The following KAZN variants were observed in gnomAD, a reference collection of about 807,000 sequenced individuals.
KAZN encodes kazrin, periplakin interacting protein.
In KAZN, 40 loss-of-function variants were observed where a neutral mutation model predicts 87.4. That is an observed-to-expected ratio of 0.46 (90% CI 0.36 to 0.60). The LOEUF (loss-of-function observed/expected upper bound fraction) is 0.60. Among genes scored for constraint, KAZN ranks in the 20% least tolerant of loss-of-function variants. The pLI is 0.00. For synonymous variants in KAZN, 466 were observed against 458.3 expected (o/e 1.02, Z -0.22); for missense variants, 898 against 1,073.9 (o/e 0.84, Z 2.29).
At chr1:14,776,933 CAAAAAAAAA>C (rs56275592) in intron 1 of KAZN, among the ~76,000 whole-genome samples, 1 of 113,132 alleles carries the variant, frequency 8.8e-6, no homozygotes, top group African/African-American at 3.5e-5. Context: ...TACCCTGTCT[CAAAAAAAAA>C]AAAAAAAAAA....
At chr1:14,521,318 G>A (rs567589558) in intron 2 of KAZN, among the ~76,000 whole-genome samples, 17 of 152,228 alleles carry the variant, frequency 1.1e-4, no homozygotes, top group East Asian at 9.7e-4. Context: ...CAGAAATGTC[G>A]CCCTCACTGC....
At chr1:14,521,194 G>A (rs1242247114) in intron 2 of KAZN, among the ~76,000 whole-genome samples, 6 of 152,096 alleles carry the variant, frequency 3.9e-5, no homozygotes, top group African/African-American at 1.4e-4. Flanking sequence ...TGGGGGCAGG[G>A]GTCTGATGAT....
intron 1 of KAZN, among the ~76,000 whole-genome samples, chr1:14,894,109 G>A (rs544809701): frequency 2.6e-5 from 4 of 152,112 alleles, no homozygotes; most frequent in South Asian, 2.1e-4. Context: ...ATCACAGTAC[G>A]TGAATCTAAT....
chr1:14,544,597 T>G (rs1673025659), intron 2 of KAZN, among the ~76,000 whole-genome samples: 1 of 151,990 alleles, frequency 6.6e-6, no homozygotes, highest in Non-Finnish European at 1.5e-5. Context: ...TTTAAACAAC[T>G]TTTCTTTGTG....
chr1:14,917,763 G>T (rs1445327030), intron 1 of KAZN, among the ~76,000 whole-genome samples: 1 of 152,144 alleles, frequency 6.6e-6, no homozygotes, highest in Non-Finnish European at 1.5e-5. Flanking sequence ...CTTCCAAGAT[G>T]ACCCCAATGA....
chr1:14,730,149 T>C (rs1314291267), intron 1 of KAZN, among the ~76,000 whole-genome samples: 3 of 152,132 alleles, frequency 2.0e-5, no homozygotes, highest in African/African-American at 4.8e-5. Context: ...AGTGGCGCGA[T>C]CTCGGCTTAC....
intron 2 of KAZN, among the ~76,000 whole-genome samples, chr1:14,586,236 T>C (rs1675838318): frequency 6.6e-6 from 1 of 152,200 alleles, no homozygotes; most frequent in Non-Finnish European, 1.5e-5. Context: ...ATATTAAGCT[T>C]AGAAGCTTTT....
At chr1:14,255,778 C>A (rs1650463030) in intron 2 of KAZN, among the ~76,000 whole-genome samples, 1 of 152,142 alleles carries the variant, frequency 6.6e-6, no homozygotes, top group East Asian at 1.9e-4. Flanking sequence ...TCATTATGTC[C>A]ATTTTATAGA....
chr1:14,898,684 G>T (rs570923342), intron 1 of KAZN, among the ~76,000 whole-genome samples: 3 of 152,160 alleles, frequency 2.0e-5, no homozygotes, highest in African/African-American at 7.2e-5. Context: ...GGGCTGGAGG[G>T]ACAGTGTTAC....
At chr1:14,521,674 G>A (rs1284151877) in intron 2 of KAZN, among the ~76,000 whole-genome samples, 3 of 152,172 alleles carry the variant, frequency 2.0e-5, no homozygotes, top group East Asian at 1.9e-4. Context: ...CCTACAGTCC[G>A]TAAAAGACCA....
At chr1:14,478,693 A>T (rs1172493911) in intron 2 of KAZN, among the ~76,000 whole-genome samples, 1 of 152,054 alleles carries the variant, frequency 6.6e-6, no homozygotes, top group Non-Finnish European at 1.5e-5. Context: ...CTTCATCCCT[A>T]CCTCGTGCTC....
intron 1 of KAZN, among the ~76,000 whole-genome samples, chr1:14,759,294 G>A (rs754854995): frequency 2.0e-5 from 3 of 152,164 alleles, no homozygotes; most frequent in Non-Finnish European, 2.9e-5. Context: ...CGTGGCTTTG[G>A]TAGTGCCGTG....
At chr1:14,832,011 G>A (rs111976685) in intron 1 of KAZN, among the ~76,000 whole-genome samples, 31,346 of 151,864 alleles carry the variant, frequency 0.21, 4,276 homozygotes, top group African/African-American at 0.39. Context: ...CCTGGCCAAC[G>A]TGGTGAAACC....
intron 2 of KAZN, among the ~76,000 whole-genome samples, chr1:14,550,369 G>C (rs1378899419): frequency 6.6e-6 from 1 of 152,196 alleles, no homozygotes; most frequent in East Asian, 1.9e-4. Context: ...CAAGAGATTT[G>C]ACCTGACAGC....
intron 1 of KAZN, among the ~76,000 whole-genome samples, chr1:13,951,987 G>A (rs1641364722): frequency 1.3e-5 from 2 of 152,164 alleles, no homozygotes; most frequent in African/African-American, 4.8e-5. Context: ...TCTTGAACCA[G>A]GTCAGGCCTG....
At chr1:14,740,763 C>T (rs1274250977) in intron 1 of KAZN, among the ~76,000 whole-genome samples, 4 of 152,182 alleles carry the variant, frequency 2.6e-5, no homozygotes, top group Non-Finnish European at 5.9e-5. Context: ...CATTCTCCTT[C>T]CTTTGCCTGG....
At chr1:15,039,776 A>C (rs562093670) in intron 3 of KAZN, among the ~76,000 whole-genome samples, 1 of 152,252 alleles carries the variant, frequency 6.6e-6, no homozygotes, top group African/African-American at 2.4e-5. Context: ...ATAGGTGACT[A>C]GGGGCATCCC....
At chr1:14,754,546 T>G (rs938183494) in intron 1 of KAZN, among the ~76,000 whole-genome samples, 4 of 152,108 alleles carry the variant, frequency 2.6e-5, no homozygotes, top group African/African-American at 9.7e-5. Context: ...GGCAAGAGGA[T>G]CGCTTGAACT....
rs1641872752 is a variant in KAZN at position 15,117,230 on chromosome 1, A to C, written c.*2595A>C. On this transcript the variant is annotated 3_prime_UTR_variant, in exon 15 of 15. Coordinates refer to ENST00000376030, the MANE Select transcript of KAZN (RefSeq NM_201628.3). ...CAGCTCCAGAACAGTGACCAGCTAC[A>C]TCCTGTCCAAGCAGCCCGAGTGTGG... 6.6e-6 allele frequency: 1 copy of C among 152,244 alleles called. No homozygotes were observed. Among genetic ancestry groups the C allele is most frequent in the Admixed American group, 6.5e-5 (1 of 15,284 alleles). The allele number at this position is 152,244 out of a possible 1,614,324, so 9.4% of individuals were successfully genotyped here. A position where few individuals can be genotyped will look rare whatever the true frequency, so the allele number is the denominator to read the frequency against.
Sources: gnomAD v4.1 joint callset for allele counts (sites outside exome capture counted in the v4.1 genomes callset) on GRCh38, gnomAD v4.1.1 for gene constraint, MANE v1.5 for transcripts, NCBI Gene and HGNC (gene_info 2026-07-23, HGNC 2026-07-21) for gene names.